The following COL5A1 variants were observed in gnomAD, a reference collection of about 807,000 sequenced individuals.
The protein encoded by COL5A1 is collagen type V alpha 1 chain.
In COL5A1, 16 loss-of-function variants were observed where a neutral mutation model predicts 263.7. That is an observed-to-expected ratio of 0.06 (90% confidence interval 0.04 to 0.09). The LOEUF is 0.09. Among genes scored for constraint, COL5A1 ranks in the 10% least tolerant of loss-of-function variants. The pLI, the probability that COL5A1 is intolerant of heterozygous loss-of-function variation, is 1.00. For missense variants in COL5A1, 2,036 were observed against 2,540.5 expected, an observed-to-expected ratio of 0.80 and a Z score of 4.27; for synonymous variants, 1,012 against 1,004.5, an observed-to-expected ratio of 1.01 and a Z score of -0.14.
intron 38 of COL5A1, 52 bp downstream of exon 38, chr9:134,802,059 C>T (rs749654752): frequency 1.2e-5 from 19 of 1,565,770 alleles, no homozygotes; most frequent in Non-Finnish European, 1.7e-5. Flanking sequence ...CACTTGCCCA[C>T]AGGGAAGAGG....
Position 134,730,431 on chromosome 9 carries a change from G to T in COL5A1, c.1120G>T (p.Ala374Ser). Residue 374 changes from alanine to serine, a missense_variant, in exon 7 of 66, where the codon GCC becomes TCC. Transcript: ENST00000371817. ...CCAGCCCACAGACCCAGGCGCTGGGGCCGAAATTCCCACCAGCACCGCCGA... is the reference window on the plus strand; with the variant it reads ...CCAGCCCACAGACCCAGGCGCTGGGTCCGAAATTCCCACCAGCACCGCCGA... The part of the protein sequence containing the change: ...PDQPTDPGAG[A>S]EIPTSTADTS... 6.2e-7 allele frequency: 1 copy of T among 1,614,118 alleles called. No homozygotes were observed. The highest frequency in any genetic ancestry group is 1.1e-5 in the South Asian group (1 of 91,084).
At position 134,758,835 on chromosome 9, in the gene COL5A1, TG is replaced by T. The variant is rs141963995; in HGVS notation, c.1935+544del. Among the ~76,000 whole-genome samples, 178 of 152,272 alleles carry T rather than the reference TG, an allele frequency of 1.2e-3. 1 individual carries two copies. Among genetic ancestry groups the T allele is most frequent in the African/African-American group, 4.1e-3 (169 of 41,548 alleles). On this transcript the variant is annotated intron_variant, in intron 18 of 65. Coordinates refer to ENST00000371817, the MANE Select transcript of COL5A1 (RefSeq NM_000093.5). This position sits in a 1 kb window ranked among gnomAD's most constrained non-coding sequence, Gnocchi z 4.1. ...TGAGTCCCGAGCTAGTGCGGTGACCTGGGGGTCTTCCTGGCTGCGCCGTTTC... is the reference window on the plus strand; with the variant it reads ...TGAGTCCCGAGCTAGTGCGGTGACCTGGGGTCTTCCTGGCTGCGCCGTTTC...
intron 64 of COL5A1, among the ~76,000 whole-genome samples, chr9:134,830,768 G>A (rs1839583854): frequency 6.6e-6 from 1 of 152,222 alleles, no homozygotes; most frequent in African/African-American, 2.4e-5. Context: ...GGCCTCCCAG[G>A]AAAGAACCAC....
At chr9:134,803,797 C>G (rs35320446) in intron 39 of COL5A1, among the ~76,000 whole-genome samples, 1 of 151,740 alleles carries the variant, frequency 6.6e-6, no homozygotes, top group South Asian at 2.1e-4. Context: ...GAGCCGAGAT[C>G]GCGCCACTGC....
At chr9:134,746,923 G>A (rs566592143) in intron 11 of COL5A1, among the ~76,000 whole-genome samples, 1 of 152,358 alleles carries the variant, frequency 6.6e-6, no homozygotes, top group South Asian at 2.1e-4. Context: ...CCACATCGCT[G>A]GCCCGTGCTT....
rs781583996 is a variant in COL5A1, at chr9:134,784,972, T to C, written c.2485-17T>C. ...TGCGGGGGGTGGTCTTCTCACCTCC[T>C]CTTTTCTGGCTTGCAGGGGGAGATC... On this transcript the variant is annotated splice_polypyrimidine_tract_variant and intron_variant, in intron 29 of 65. Coordinates refer to ENST00000371817, the MANE Select transcript of COL5A1 (RefSeq NM_000093.5). 5 of 1,560,464 alleles carry C rather than the reference T, an allele frequency of 3.2e-6. No homozygotes were observed. In the African/African-American group the frequency reaches 7.0e-5, roughly 22 times the overall value.
chr9:134,678,335 C>A lies in COL5A1; in HGVS notation c.110-12577C>A, dbSNP rs1478629689. 1.3e-5 allele frequency among the ~76,000 whole-genome samples: 2 copies of A among 152,186 alleles called. No homozygotes were observed. Among genetic ancestry groups the A allele is most frequent in the African/African-American group, 4.8e-5 (2 of 41,448 alleles). On this transcript the variant is annotated intron_variant, in intron 1 of 65. Transcript: ENST00000371817. The surrounding 1 kb of genome is among the most constrained non-coding windows in gnomAD (Gnocchi z 5.5). ...ATAAGGGAAGTGTGGCAGCTGGGCG[C>A]AGAGCACATAACAGGTGCACAGTCC...
chr9:134,666,036 G>A (rs781103177), intron 1 of COL5A1, among the ~76,000 whole-genome samples: 49 of 152,118 alleles, frequency 3.2e-4, no homozygotes, highest in Admixed American at 1.3e-3. Flanking sequence ...GCAGTGAGCC[G>A]AGATCGCGCC....
At chr9:134,727,631 C>G (rs1399293922) in intron 5 of COL5A1, among the ~76,000 whole-genome samples, 1 of 152,236 alleles carries the variant, frequency 6.6e-6, no homozygotes, top group African/African-American at 2.4e-5. Flanking sequence ...ACCTTTTGAA[C>G]AAGCTCCTTG....
chr9:134,694,381 G>C (rs907136283), intron 2 of COL5A1, among the ~76,000 whole-genome samples: 1 of 152,232 alleles, frequency 6.6e-6, no homozygotes, highest in Admixed American at 6.5e-5. Flanking sequence ...CACTGGGCAC[G>C]AACTGGCAGA....
chr9:134,795,084 G>A lies in COL5A1; in HGVS notation c.2703G>A (p.Gly901=), dbSNP rs749900113. The A allele has an allele frequency of 6.2e-7, 1 of 1,614,022 alleles. No homozygotes were observed. The highest frequency in any genetic ancestry group is 1.3e-5 in the African/African-American group (1 of 75,034). Residue 901 remains glycine, a splice_region_variant and synonymous_variant, in exon 33 of 66, where the codon GGG becomes GGA. Transcript: ENST00000371817. The part of the protein sequence containing the change: ...PGANGEKGGR[G]TPGKPGPRGQ... ...ACCAGCCCCTTCTCTGATTCTAGGG[G>A]ACCCCTGGAAAGCCAGGACCGCGGG...
intron 5 of COL5A1, 84 bp downstream of exon 5, chr9:134,727,481 C>T: frequency 6.7e-7 from 1 of 1,490,858 alleles, no homozygotes; most frequent in African/African-American, 1.4e-5. Context: ...GCCATGGGAC[C>T]CTTATTTTAA....
rs1267765885 is a variant in COL5A1, at chr9:134,755,527, A to T, written c.1827+1201A>T. 6.6e-6 allele frequency among the ~76,000 whole-genome samples: 1 copy of T among 152,200 alleles called. No homozygotes were observed. The highest frequency in any genetic ancestry group is 2.4e-5 in the African/African-American group (1 of 41,458). ...CTTGGAGCTGAGGGGTCGATTCCAA[A>T]GTGGTCTGAGCAGCCTCTTCCATTC... On this transcript the variant is annotated intron_variant, in intron 16 of 65. Transcript: ENST00000371817. This position sits in a 1 kb window ranked among gnomAD's most constrained non-coding sequence, Gnocchi z 4.1.
chr9:134,799,857 C>G (rs896755707), intron 37 of COL5A1, among the ~76,000 whole-genome samples: 20 of 152,350 alleles, frequency 1.3e-4, no homozygotes, highest in African/African-American at 4.6e-4. Flanking sequence ...ATGTGCTTTT[C>G]TCCCTCTGAC....
At chr9:134,658,387 C>G (rs879376613) in intron 1 of COL5A1, among the ~76,000 whole-genome samples, 1 of 152,280 alleles carries the variant, frequency 6.6e-6, no homozygotes, top group East Asian at 1.9e-4. Context: ...TCTGGCTGCC[C>G]GGGTCTCCAG....
chr9:134,824,954 G>A, intron 62 of COL5A1, 99 bp downstream of exon 62: 4 of 1,454,986 alleles, frequency 2.7e-6, no homozygotes, highest in Non-Finnish European at 3.7e-6. Flanking sequence ...CACAGCGGAA[G>A]GGACAGGACG....
intron 4 of COL5A1, among the ~76,000 whole-genome samples, chr9:134,711,241 T>C: frequency 6.6e-6 from 1 of 152,018 alleles, no homozygotes; most frequent in East Asian, 1.9e-4. Context: ...TAAGGGAGGC[T>C]GCCTGGCTCT....
rs1202565254 is a variant in COL5A1, at chr9:134,707,111, C to G, written c.654+5778C>G. 4.6e-5 allele frequency among the ~76,000 whole-genome samples: 7 copies of G among 152,232 alleles called. No individual in the cohort carries two copies. In the South Asian group the frequency reaches 1.0e-3, roughly 23 times the overall value. ...GGGGTGCCTCTGCCTTGAGGCCTGCCGTGGAAGGCCCCTCCTCTGTGGGTG... is the reference window on the plus strand; with the variant it reads ...GGGGTGCCTCTGCCTTGAGGCCTGCGGTGGAAGGCCCCTCCTCTGTGGGTG... On this transcript the variant is annotated intron_variant, in intron 4 of 65. Transcript: ENST00000371817.
At chr9:134,727,149 C>G in intron 4 of COL5A1, 117 bp from the exon 5 acceptor site, 1 of 1,083,044 alleles carries the variant, frequency 9.2e-7, no homozygotes, top group Non-Finnish European at 1.4e-6. Flanking sequence ...TGAGGACAAG[C>G]TCGTCTTGTG....
Sources: gnomAD v4.1 joint callset for allele counts (sites outside exome capture counted in the v4.1 genomes callset) on GRCh38, gnomAD v4.1.1 for gene constraint, Gnocchi (gnomAD v3.1) non-coding constraint, MANE v1.5 for transcripts, NCBI Gene and HGNC (gene_info 2026-07-23, HGNC 2026-07-21) for gene names.